TM9SF3: variants seen among roughly 807,000 people sequenced by gnomAD.
TM9SF3 encodes transmembrane 9 superfamily member 3.
Under a neutral mutation model 78.6 loss-of-function variants are expected in TM9SF3, and 14 were observed. The observed-to-expected ratio is 0.18, with a 90% confidence interval of 0.12 to 0.28. The LOEUF (loss-of-function observed/expected upper bound fraction) is 0.28, where lower values mean the gene tolerates loss of function less well. Among genes scored for constraint, TM9SF3 ranks in the 10% least tolerant of loss-of-function variants. The pLI is 1.00. For missense variants in TM9SF3, 496 were observed against 721.9 expected (o/e 0.69, Z 3.59); for synonymous variants, 231 against 241.7 (o/e 0.96, Z 0.41).
intron 5 of TM9SF3, among the ~76,000 whole-genome samples, chr10:96,558,278 T>A (rs2134148161): frequency 6.6e-6 from 1 of 150,394 alleles, no homozygotes; most frequent in South Asian, 2.1e-4. Context: ...ACACAGCAGG[T>A]GGGGTTGAGG....
intron 1 of TM9SF3, among the ~76,000 whole-genome samples, chr10:96,584,545 T>C (rs1218788200): frequency 1.3e-5 from 2 of 152,330 alleles, no homozygotes; most frequent in East Asian, 3.9e-4. Context: ...TGGTGGCTCA[T>C]GCCTGTAATC....
chr10:96,552,831 A>G (rs916348568), intron 6 of TM9SF3, 97 bp downstream of exon 6: 1 of 1,223,268 alleles, frequency 8.2e-7, no homozygotes, highest in Non-Finnish European at 1.1e-6. Context: ...TGGAAACTCA[A>G]AGACTTCCGG....
intron 6 of TM9SF3, among the ~76,000 whole-genome samples, chr10:96,552,257 G>T (rs975184440): frequency 6.6e-5 from 10 of 152,100 alleles, no homozygotes; most frequent in Non-Finnish European, 2.9e-5. Context: ...CTCAAGACCA[G>T]CCTGGGCAGC....
At chr10:96,569,986 G>A (rs944109864) in intron 2 of TM9SF3, among the ~76,000 whole-genome samples, 4 of 152,030 alleles carry the variant, frequency 2.6e-5, no homozygotes, top group East Asian at 1.9e-4. Flanking sequence ...CCACTGCACC[G>A]CAATCCAGCC....
intron 6 of TM9SF3, among the ~76,000 whole-genome samples, chr10:96,551,706 A>G (rs1270665410): frequency 6.6e-6 from 1 of 152,084 alleles, no homozygotes; most frequent in Non-Finnish European, 1.5e-5. Context: ...CAGTGCACTG[A>G]CTCTCTTAAT....
chr10:96,558,507 A>T (rs1194621834), intron 5 of TM9SF3, among the ~76,000 whole-genome samples: 1 of 152,018 alleles, frequency 6.6e-6, no homozygotes, highest in East Asian at 1.9e-4. Context: ...TTAGCCGGGC[A>T]TGATGGTGTG....
chr10:96,528,598 A>G (rs1320410792), intron 11 of TM9SF3, among the ~76,000 whole-genome samples: 1 of 152,162 alleles, frequency 6.6e-6, no homozygotes, highest in Non-Finnish European at 1.5e-5. Context: ...TAGAGCAATA[A>G]TGTATAAAAT....
intron 5 of TM9SF3, among the ~76,000 whole-genome samples, chr10:96,555,006 C>T (rs916775488): frequency 6.6e-6 from 1 of 151,646 alleles, no homozygotes; most frequent in Non-Finnish European, 1.5e-5. Context: ...CTTGATAGCA[C>T]TAATGGCCTC....
chr10:96,560,817 C>T (rs889801062), intron 4 of TM9SF3: 1 of 544,310 alleles, frequency 1.8e-6, no homozygotes, highest in Non-Finnish European at 3.6e-6. Flanking sequence ...ATCAAAAGGA[C>T]AAAAATCCTT....
chr10:96,559,429 C>T (rs75079690), intron 5 of TM9SF3, among the ~76,000 whole-genome samples: 1 of 152,198 alleles, frequency 6.6e-6, no homozygotes, highest in South Asian at 2.1e-4. Flanking sequence ...TTATATTCTT[C>T]GTTTATCTCT....
Position 96,586,758 on chromosome 10 carries a change from G to T in TM9SF3, c.78C>A (p.Thr26=). ...LWLLLLLLPR[T]RADEHEHTYQ... is the part of the protein sequence containing the mutation. ...CCGTGTGTTCGTGCTCGTCCGCCCG[G>T]GTCCGGGGCAGCAGCAGCAGCAGCA... Residue 26 remains threonine, a synonymous_variant, in exon 1 of 15, where the codon ACC becomes ACA. Coordinates refer to ENST00000371142, the MANE Select transcript of TM9SF3 (RefSeq NM_020123.4). The T allele has an allele frequency of 7.8e-7, 1 of 1,282,600 alleles. No homozygotes were observed. The highest frequency in any genetic ancestry group is 2.9e-4 in the Middle Eastern group (1 of 3,480). The allele number at this position is 1,282,600 out of a possible 1,614,324, so 79.5% of individuals were successfully genotyped here. A position where few individuals can be genotyped will look rare whatever the true frequency, so the allele number is the denominator to read the frequency against.
At chr10:96,567,242 G>A (rs936729207) in intron 2 of TM9SF3, among the ~76,000 whole-genome samples, 5 of 151,748 alleles carry the variant, frequency 3.3e-5, no homozygotes, top group Non-Finnish European at 1.5e-5. Context: ...ATGCCACCAG[G>A]CCCGACTAAT....
Position 96,521,888 on chromosome 10 carries a change from A to G in TM9SF3, c.*375T>C, listed in dbSNP as rs1041608155. Reference sequence around the variant, plus strand: ...TGCCAGGAAGATTCCTATTCATGTAATTTTAGCATCCAAGTTTCCCTCTAT... The same window carrying G: ...TGCCAGGAAGATTCCTATTCATGTAGTTTTAGCATCCAAGTTTCCCTCTAT... On this transcript the variant is annotated 3_prime_UTR_variant, in exon 15 of 15. Coordinates refer to ENST00000371142, the MANE Select transcript of TM9SF3 (RefSeq NM_020123.4). The G allele has an allele frequency of 1.2e-5, 2 of 172,752 alleles. No homozygotes were observed. The highest frequency in any genetic ancestry group is 4.8e-5 in the African/African-American group (2 of 41,782). The allele number at this position is 172,752 out of a possible 1,614,324, so 10.7% of individuals were successfully genotyped here. A position where few individuals can be genotyped will look rare whatever the true frequency, so the allele number is the denominator to read the frequency against.
chr10:96,562,493 T>C (rs1448246416), intron 3 of TM9SF3, among the ~76,000 whole-genome samples: 1 of 152,196 alleles, frequency 6.6e-6, no homozygotes, highest in Admixed American at 6.5e-5. Context: ...TACATCACCA[T>C]CTGCCAAGGT....
At position 96,522,294 on chromosome 10, in the gene TM9SF3, C is replaced by T. The variant is rs150067149; in HGVS notation, c.1739G>A (p.Arg580Gln). 652 of 1,583,066 alleles carry T rather than the reference C, an allele frequency of 4.1e-4. 1 individual carries two copies. Among genetic ancestry groups the T allele is most frequent in the Non-Finnish European group, 5.3e-4 (615 of 1,169,654 alleles). ...IGYMGTSAFV[R>Q]KIYTNVKID Reference sequence around the variant, plus strand: ...AATTTTCACATTAGTATAGATTTTTCGGACAAAGGCACTTGTTCCCATGTA... The same window carrying T: ...AATTTTCACATTAGTATAGATTTTTTGGACAAAGGCACTTGTTCCCATGTA... Residue 580 changes from arginine (R) to glutamine (Q), a missense_variant, in exon 15 of 15, where the codon CGA (arginine) becomes CAA (glutamine). Arg to Gln is a conservative substitution (Grantham distance 43). Transcript: ENST00000371142.
chr10:96,582,796 A>C (rs1564942568), intron 1 of TM9SF3, among the ~76,000 whole-genome samples: 2 of 152,260 alleles, frequency 1.3e-5, no homozygotes, highest in South Asian at 2.1e-4. Context: ...TATATACCAT[A>C]GGGTCAGGCG....
chr10:96,544,952 G>GA (rs113643515), intron 8 of TM9SF3, among the ~76,000 whole-genome samples: 12,912 of 151,658 alleles, frequency 0.085, 1,257 homozygotes, highest in African/African-American at 0.24. Flanking sequence ...CGTTTGAAAA[G>GA]AAAAAAAACC....
At chr10:96,536,587 C>T (rs1464037952) in intron 9 of TM9SF3, among the ~76,000 whole-genome samples, 1 of 152,070 alleles carries the variant, frequency 6.6e-6, no homozygotes, top group Non-Finnish European at 1.5e-5. Context: ...TACATATAGT[C>T]AACACTCAAA....
intron 2 of TM9SF3, among the ~76,000 whole-genome samples, chr10:96,566,588 G>A (rs1848373980): frequency 6.6e-6 from 1 of 152,160 alleles, no homozygotes; most frequent in Non-Finnish European, 1.5e-5. Context: ...AGTATGGGAA[G>A]AAAATTAATT....
Sources: gnomAD v4.1 joint callset for allele counts (sites outside exome capture counted in the v4.1 genomes callset) on GRCh38, gnomAD v4.1.1 for gene constraint, MANE v1.5 for transcripts, NCBI Gene and HGNC (gene_info 2026-07-23, HGNC 2026-07-21) for gene names.